The following PLCB1 variants were observed in gnomAD, a reference collection of about 807,000 sequenced individuals.
PLCB1 encodes 1-phosphatidylinositol 4,5-bisphosphate phosphodiesterase beta-1.
A neutral mutation model predicts 161.8 loss-of-function variants in PLCB1; 46 were observed. The observed-to-expected ratio is 0.28, with a 90% CI of 0.22 to 0.36. The LOEUF is 0.36. PLCB1 is among the 10% of genes least tolerant of loss of function. The probability of loss-of-function intolerance (pLI) is 1.00; values close to 1 mark genes in which losing one functional copy is unlikely to be tolerated. For synonymous variants in PLCB1, 517 were observed against 503.7 expected (o/e 1.03, Z -0.35); for missense variants, 1,016 against 1,472.5 (o/e 0.69, Z 5.07).
intron 4 of PLCB1, among the ~76,000 whole-genome samples, chr20:8,630,005 T>TCTTTCTTTCTTTCTTTCTTC (rs746185755): frequency 8.1e-5 from 10 of 122,878 alleles, no homozygotes; most frequent in Admixed American, 1.7e-4. Flanking sequence ...TTTCTTTCTT[T>TCTTTCTTTCTTTCTTTCTTC]CTTTCTCTTT....
At chr20:8,278,992 A>G (rs541827223) in intron 2 of PLCB1, among the ~76,000 whole-genome samples, 1 of 152,272 alleles carries the variant, frequency 6.6e-6, no homozygotes, top group African/African-American at 2.4e-5. Context: ...AAAAAAAACA[A>G]AACAGAAAAT....
At chr20:8,836,699 G>A (rs1339058744) in intron 31 of PLCB1, among the ~76,000 whole-genome samples, 1 of 152,158 alleles carries the variant, frequency 6.6e-6, no homozygotes, top group Non-Finnish European at 1.5e-5. Flanking sequence ...CTTATAAGAA[G>A]CAAAGATTTT....
At chr20:8,367,110 A>G (rs556352798) in intron 2 of PLCB1, among the ~76,000 whole-genome samples, 8 of 152,342 alleles carry the variant, frequency 5.3e-5, no homozygotes, top group Admixed American at 5.2e-4. Context: ...GTCATTCAAT[A>G]GTTTTTTCTT....
chr20:8,529,118 C>G (rs1437819516), intron 3 of PLCB1, among the ~76,000 whole-genome samples: 1 of 151,912 alleles, frequency 6.6e-6, no homozygotes, highest in African/African-American at 2.4e-5. Flanking sequence ...TGTTTTCATT[C>G]TATTTCAAGA....
chr20:8,463,928 C>T (rs1440738561), intron 3 of PLCB1, among the ~76,000 whole-genome samples: 3 of 152,096 alleles, frequency 2.0e-5, no homozygotes, highest in Non-Finnish European at 4.4e-5. Flanking sequence ...GCATCTCTGA[C>T]TTTGCATTTG....
intron 20 of PLCB1, among the ~76,000 whole-genome samples, chr20:8,737,581 A>G (rs1315547942): frequency 6.6e-6 from 1 of 152,212 alleles, no homozygotes. Context: ...AATATTATTT[A>G]AATTCCCCAA....
chr20:8,142,725 A>C (rs914272535), intron 1 of PLCB1, among the ~76,000 whole-genome samples: 5 of 152,220 alleles, frequency 3.3e-5, no homozygotes, highest in African/African-American at 1.2e-4. Context: ...TCACAAAGAG[A>C]AAAAAGAATA....
At chr20:8,415,075 C>G (rs1979211424) in intron 3 of PLCB1, among the ~76,000 whole-genome samples, 1 of 152,226 alleles carries the variant, frequency 6.6e-6, no homozygotes, top group African/African-American at 2.4e-5. Context: ...TGAATATTAG[C>G]AGTGTGTTCA....
intron 3 of PLCB1, among the ~76,000 whole-genome samples, chr20:8,494,889 C>T (rs1467435070): frequency 1.3e-5 from 2 of 152,104 alleles, no homozygotes; most frequent in Non-Finnish European, 2.9e-5. Flanking sequence ...CCGTATTTCA[C>T]ATGGTTGTTA....
chr20:8,785,305 T>C (rs1983430137), intron 27 of PLCB1, among the ~76,000 whole-genome samples: 2 of 152,184 alleles, frequency 1.3e-5, no homozygotes, highest in African/African-American at 4.8e-5. Context: ...ATGTAGATTC[T>C]GACTTAGTTG....
chr20:8,722,558 G>A (rs1358660259), intron 15 of PLCB1, 137 bp downstream of exon 15: 2 of 505,366 alleles, frequency 4.0e-6, no homozygotes, highest in Non-Finnish European at 3.5e-6. Flanking sequence ...AATTTTTGAG[G>A]CAATTAAATG....
intron 9 of PLCB1, among the ~76,000 whole-genome samples, chr20:8,673,081 C>A (rs930868059): frequency 6.6e-6 from 1 of 151,834 alleles, no homozygotes; most frequent in Non-Finnish European, 1.5e-5. Flanking sequence ...CACTGCACTC[C>A]AGCCTGGGCG....
intron 2 of PLCB1, among the ~76,000 whole-genome samples, chr20:8,349,072 C>A (rs893371247): frequency 2.4e-4 from 36 of 151,680 alleles, no homozygotes; most frequent in Middle Eastern, 3.4e-3. Context: ...ATATACACAC[C>A]CATGTACTAC....
chr20:8,479,183 C>A (rs969982154), intron 3 of PLCB1, among the ~76,000 whole-genome samples: 1 of 151,996 alleles, frequency 6.6e-6, no homozygotes, highest in African/African-American at 2.4e-5. Context: ...TTTTATGTCA[C>A]CTGCTGTAGA....
At chr20:8,406,209 C>T (rs573082035) in intron 3 of PLCB1, among the ~76,000 whole-genome samples, 12 of 152,188 alleles carry the variant, frequency 7.9e-5, no homozygotes, top group South Asian at 2.1e-4. Context: ...ATTGAAGAAA[C>T]GAAATTGCTT....
At chr20:8,133,786 T>TA (rs1568564618) in intron 1 of PLCB1, among the ~76,000 whole-genome samples, 1 of 152,212 alleles carries the variant, frequency 6.6e-6, no homozygotes, top group African/African-American at 2.4e-5. Flanking sequence ...TCCAAATGAC[T>TA]AATACATCTC....
chr20:8,415,550 G>A (rs1037378488), intron 3 of PLCB1, among the ~76,000 whole-genome samples: 7 of 152,170 alleles, frequency 4.6e-5, no homozygotes, highest in Admixed American at 3.9e-4. Context: ...GTGAAGCAGA[G>A]AAAGGAGAAA....
intron 3 of PLCB1, among the ~76,000 whole-genome samples, chr20:8,563,446 CAAAAG>C (rs944172245): frequency 6.6e-6 from 1 of 151,972 alleles, no homozygotes; most frequent in African/African-American, 2.4e-5. Flanking sequence ...TGTCCAAACT[CAAAAG>C]GAAGCCAGGA....
At chr20:8,679,206 A>G (rs1990157453) in intron 9 of PLCB1, among the ~76,000 whole-genome samples, 1 of 152,194 alleles carries the variant, frequency 6.6e-6, no homozygotes, top group Non-Finnish European at 1.5e-5. Flanking sequence ...AACTGAAAAC[A>G]TCTTTTCCCA....
Sources: gnomAD v4.1 joint callset for allele counts (sites outside exome capture counted in the v4.1 genomes callset) on GRCh38, gnomAD v4.1.1 for gene constraint, MANE v1.5 for transcripts, NCBI Gene and HGNC (gene_info 2026-07-23, HGNC 2026-07-21) for gene names.